Variants in ACACB observed in about 807,000 individuals in gnomAD.
ACACB encodes the protein acetyl-CoA carboxylase beta.
A neutral mutation model predicts 278.8 loss-of-function variants in ACACB; 209 were observed. The observed-to-expected ratio is 0.75, with a 90% CI of 0.67 to 0.84. The LOEUF (loss-of-function observed/expected upper bound fraction) is 0.84. Among genes scored for constraint, ACACB ranks in the 40% least tolerant of loss-of-function variants. ACACB has a pLI of 0.00. For missense variants in ACACB, 2,850 were observed against 3,269.0 expected, an observed-to-expected ratio of 0.87 and a Z score of 3.13; for synonymous variants, 1,174 against 1,285.6, an observed-to-expected ratio of 0.91 and a Z score of 1.86.
At position 109,182,647 on chromosome 12, in the gene ACACB, G is replaced by A. The variant is rs116573993; in HGVS notation, c.1818+2560G>A. Among the ~76,000 whole-genome samples, 262 of 152,286 alleles carry A rather than the reference G, an allele frequency of 1.7e-3. 2 individuals are homozygous for A. Among genetic ancestry groups the A allele is most frequent in the African/African-American group, 5.8e-3 (240 of 41,564 alleles). On this transcript the variant is annotated intron_variant, in intron 11 of 52. Coordinates refer to ENST00000338432, the MANE Select transcript of ACACB (RefSeq NM_001093.4). ...AGCCTCCCAAAGAGCTGGTGTTACA[G>A]GCATGAGTCACCATGCTCATCCTTG...
intron 2 of ACACB, among the ~76,000 whole-genome samples, chr12:109,147,811 C>CGAATGGATGAAT (rs760274016): frequency 6.6e-6 from 1 of 151,824 alleles, no homozygotes; most frequent in Non-Finnish European, 1.5e-5. Flanking sequence ...AATGGATGAA[C>CGAATGGATGAAT]GAATGGATGA....
intron 1 of ACACB, among the ~76,000 whole-genome samples, chr12:109,124,430 A>G (rs1642031): frequency 0.53 from 81,324 of 152,058 alleles, 23,440 homozygotes; most frequent in African/African-American, 0.76. Context: ...GCAGATCCTT[A>G]GCAGGAATAC....
intron 13 of ACACB, 55 bp from the exon 14 acceptor site, chr12:109,191,558 C>T: frequency 1.2e-6 from 2 of 1,600,998 alleles, no homozygotes; most frequent in South Asian, 1.1e-5. Context: ...ATTGCAGCAA[C>T]TCTGTTGATG....
At chr12:109,262,663 C>G (rs2047409221) in intron 49 of ACACB, among the ~76,000 whole-genome samples, 194 bp downstream of exon 49, 2 of 151,976 alleles carry the variant, frequency 1.3e-5, no homozygotes, top group African/African-American at 2.4e-5. Flanking sequence ...GCTCTATTGC[C>G]TAGGCTGGAG....
At chr12:109,189,980 G>A (rs1240251190) in intron 13 of ACACB, among the ~76,000 whole-genome samples, 3 of 152,070 alleles carry the variant, frequency 2.0e-5, no homozygotes, top group African/African-American at 7.2e-5. Context: ...GCATCCTGGT[G>A]GCCATCTGTA....
intron 1 of ACACB, among the ~76,000 whole-genome samples, chr12:109,123,857 TA>T (rs1314928510): frequency 6.6e-6 from 1 of 151,342 alleles, no homozygotes. Context: ...TTTTTTTTTT[TA>T]ATTTTTATTT....
chr12:109,239,144 T>C (rs867669547), intron 34 of ACACB, among the ~76,000 whole-genome samples: 9 of 149,650 alleles, frequency 6.0e-5, no homozygotes, highest in Middle Eastern at 3.8e-3. Flanking sequence ...CTCGAACTCC[T>C]GACAACTGAT....
At chr12:109,185,802 G>C in intron 12 of ACACB, 62 bp downstream of exon 12, 1 of 1,511,768 alleles carries the variant, frequency 6.6e-7, no homozygotes, top group East Asian at 2.4e-5. Flanking sequence ...GGGGGACCCT[G>C]GATGTTAGCC....
chr12:109,119,932 C>T (rs1351573869), intron 1 of ACACB, among the ~76,000 whole-genome samples: 1 of 152,068 alleles, frequency 6.6e-6, no homozygotes. Context: ...TTTTCCACCA[C>T]TCCTGTTGAA....
At chr12:109,160,360 T>C (rs2043685094) in intron 2 of ACACB, among the ~76,000 whole-genome samples, 1 of 152,116 alleles carries the variant, frequency 6.6e-6, no homozygotes, top group South Asian at 2.1e-4. Context: ...TTCCTCATCG[T>C]GAACCTGGAG....
rs553898952 is a variant in ACACB at position 109,167,913 on chromosome 12, C to T, written c.804C>T (p.Asn268=). The change falls in exon 4 of 53, where the codon AAC becomes AAT. Residue 268 remains asparagine, a synonymous_variant. Coordinates refer to ENST00000338432, the MANE Select transcript of ACACB (RefSeq NM_001093.4). ...RVIEKVLIAN[N]GIAAVKCMRS... ...CCATGCAGGTGCTTATTGCCAACAA[C>T]GGGATTGCCGCCGTGAAGTGCATGC... is the stretch of plus-strand genomic sequence containing the variant. 3.4e-5 allele frequency: 55 copies of T among 1,613,792 alleles called. No individual in the cohort carries two copies. Among genetic ancestry groups the T allele is most frequent in the South Asian group, 1.1e-4 (10 of 91,084 alleles).
At position 109,250,088 on chromosome 12, in the gene ACACB, T is replaced by C; in HGVS notation, c.5774T>C (p.Ile1925Thr). The change falls in exon 41 of 53, where the codon ATC becomes ACC. Residue 1925 changes from isoleucine to threonine, a missense_variant. Transcript: ENST00000338432. Reference sequence around the variant, plus strand: ...GAGTCCTCTCTGGCTTACGAAGAGATCGTCACCATTAGCTTGGTGAGTCTT... The same window carrying C: ...GAGTCCTCTCTGGCTTACGAAGAGACCGTCACCATTAGCTTGGTGAGTCTT... ...AGESSLAYEE[I>T]VTISLVTCRA... is the part of the protein sequence containing the mutation. 2 of 1,610,858 alleles carry C rather than the reference T, an allele frequency of 1.2e-6. No homozygotes were observed. Among genetic ancestry groups the C allele is most frequent in the Middle Eastern group, 1.7e-4 (1 of 5,890 alleles).
At chr12:109,208,357 AGGTG>A (rs752851564) in intron 20 of ACACB, among the ~76,000 whole-genome samples, 2 of 151,700 alleles carry the variant, frequency 1.3e-5, no homozygotes, top group Non-Finnish European at 2.9e-5. Context: ...CTGGGGTTAC[AGGTG>A]CCTGCCACCA....
At chr12:109,210,547 G>GTA (rs993715198) in intron 21 of ACACB, among the ~76,000 whole-genome samples, 1 of 147,532 alleles carries the variant, frequency 6.8e-6, no homozygotes, top group African/African-American at 2.5e-5. Context: ...ATACGTGCAT[G>GTA]TATATATACA....
chr12:109,141,047 G>A (rs939983429), intron 2 of ACACB, among the ~76,000 whole-genome samples: 8 of 151,786 alleles, frequency 5.3e-5, no homozygotes, highest in Non-Finnish European at 8.8e-5. Context: ...GACTACAGGT[G>A]TGCACCACCA....
At chr12:109,168,322 G>A (rs764574769) in intron 4 of ACACB, among the ~76,000 whole-genome samples, 5 of 152,308 alleles carry the variant, frequency 3.3e-5, no homozygotes, top group Non-Finnish European at 7.4e-5. Context: ...GCAGGTGTAT[G>A]TAATTGTATT....
At chr12:109,178,962 G>T in intron 9 of ACACB, 126 bp from the exon 10 acceptor site, 1 of 838,570 alleles carries the variant, frequency 1.2e-6, no homozygotes, top group South Asian at 1.6e-5. Flanking sequence ...TAAAAGATCA[G>T]CAGAGTCCTG....
chr12:109,129,847 G>A (rs1267621227), intron 1 of ACACB, among the ~76,000 whole-genome samples: 1 of 152,208 alleles, frequency 6.6e-6, no homozygotes, highest in Non-Finnish European at 1.5e-5. Flanking sequence ...TGAACCAAAT[G>A]TGAATCCTTT....
intron 21 of ACACB, 98 bp from the exon 22 acceptor site, chr12:109,212,736 AGT>A: frequency 1.1e-6 from 1 of 928,890 alleles, no homozygotes; most frequent in Non-Finnish European, 1.7e-6. Context: ...GCCACGGACC[AGT>A]GCTCGTTTGG....
Sources: allele counts gnomAD v4.1 joint callset (sites outside exome capture counted in the v4.1 genomes callset), GRCh38; gene constraint gnomAD v4.1.1; transcripts MANE v1.5; gene names NCBI Gene and HGNC (gene_info 2026-07-23, HGNC 2026-07-21).